RNF169: variants seen among roughly 807,000 people sequenced by gnomAD.
RNF169 encodes the protein ring finger protein 169, also known as E3 ubiquitin-protein ligase RNF169.
Under a neutral mutation model 53.9 loss-of-function variants are expected in RNF169, and 24 were observed. The observed-to-expected ratio is 0.45, with a 90% CI of 0.32 to 0.63. The LOEUF is 0.63. RNF169 is among the 20% of genes least tolerant of loss of function. RNF169 has a pLI of 0.04. For missense variants in RNF169, 883 were observed against 906.2 expected (o/e 0.97, Z 0.33); for synonymous variants, 396 against 363.5 (o/e 1.09, Z -1.02).
intron 1 of RNF169, among the ~76,000 whole-genome samples, chr11:74,760,327 T>C (rs376936535): frequency 6.6e-6 from 1 of 152,144 alleles, no homozygotes; most frequent in East Asian, 1.9e-4. Flanking sequence ...CTGCTCTGAT[T>C]TTAGTTATTT....
At chr11:74,778,870 C>T (rs2035375965) in intron 1 of RNF169, among the ~76,000 whole-genome samples, 1 of 152,196 alleles carries the variant, frequency 6.6e-6, no homozygotes, top group Non-Finnish European at 1.5e-5. Context: ...GATGTGTCCA[C>T]CATATCGGTT....
chr11:74,833,374 A>G (rs191022350), intron 4 of RNF169, among the ~76,000 whole-genome samples: 22 of 152,348 alleles, frequency 1.4e-4, no homozygotes, highest in African/African-American at 4.8e-4. Context: ...AATCATTTGA[A>G]GAAATAATTT....
At chr11:74,804,920 C>G (rs142537350) in intron 2 of RNF169, among the ~76,000 whole-genome samples, 1 of 152,162 alleles carries the variant, frequency 6.6e-6, no homozygotes, top group Non-Finnish European at 1.5e-5. Flanking sequence ...AAATAAGATA[C>G]ACTTTCATGC....
chr11:74,806,838 C>T (rs1170786704), intron 2 of RNF169, among the ~76,000 whole-genome samples: 1 of 151,830 alleles, frequency 6.6e-6, no homozygotes, highest in Admixed American at 6.6e-5. Flanking sequence ...TGGTAATAAA[C>T]TGTTTCTTGA....
intron 5 of RNF169, among the ~76,000 whole-genome samples, chr11:74,835,130 C>T (rs2036234124): frequency 6.6e-6 from 1 of 152,114 alleles, no homozygotes; most frequent in Non-Finnish European, 1.5e-5. Flanking sequence ...ACTACAGGCA[C>T]ATGCCACCAT....
rs1296577515 is a variant in RNF169 at position 74,842,294 on chromosome 11, A to G, written c.*5564A>G. 6.6e-6 allele frequency: 1 copy of G among 152,236 alleles called. No individual in the cohort carries two copies. Among genetic ancestry groups the G allele is most frequent in the Non-Finnish European group, 1.5e-5 (1 of 68,044 alleles). 9.4% of individuals were successfully genotyped at this position (152,236 alleles called of 1,614,324 possible). ...TCTGTCAGCAAGGACATGGCATGGA[A>G]TCAAGTGGGCTGATGTGTTGTTATT... On this transcript the variant is annotated 3_prime_UTR_variant, in exon 6 of 6. Transcript: ENST00000299563.
intron 1 of RNF169, among the ~76,000 whole-genome samples, chr11:74,759,975 C>T (rs987457081): frequency 1.3e-5 from 2 of 151,080 alleles, no homozygotes; most frequent in South Asian, 2.1e-4. Flanking sequence ...TTGATTATTG[C>T]CACAATTTCA....
At position 74,838,943 on chromosome 11, in the gene RNF169, A is replaced by G. The variant is rs950838397; in HGVS notation, c.*2213A>G. ...ATTTTTCCACTTGCCATCTTTCTCT[A>G]TATCTCCAGTAATTTGAAAAACACT... On this transcript the variant is annotated 3_prime_UTR_variant, in exon 6 of 6. Coordinates refer to ENST00000299563, the MANE Select transcript of RNF169 (RefSeq NM_001098638.2). The G allele has an allele frequency of 9.2e-5, 14 of 152,222 alleles. No individual in the cohort carries two copies. Among genetic ancestry groups the G allele is most frequent in the South Asian group, 4.1e-4 (2 of 4,832 alleles). The allele number at this position is 152,222 out of a possible 1,614,324, so 9.4% of individuals were successfully genotyped here.
Position 74,836,111 on chromosome 11 carries a change from A to G in RNF169, c.1508A>G (p.His503Arg), listed in dbSNP as rs760185514. ...YTGPTSADLD[H>R]FPSVSQTKAE... is the part of the protein sequence containing the mutation. The stretch of plus-strand genomic sequence containing the variant: ...GGACCCACCTCTGCTGATCTTGATC[A>G]TTTCCCCTCTGTTAGCCAAACAAAA... The change falls in exon 6 of 6, where the codon CAT becomes CGT. Residue 503 changes from histidine (H) to arginine (R), a missense_variant. Coordinates refer to ENST00000299563, the MANE Select transcript of RNF169 (RefSeq NM_001098638.2). The G allele has an allele frequency of 3.1e-6, 5 of 1,613,996 alleles. No homozygotes were observed. The highest frequency in any genetic ancestry group is 1.7e-5 in the Admixed American group (1 of 60,004).
At position 74,838,248 on chromosome 11, in the gene RNF169, A is replaced by AC. The variant is rs1286960680; in HGVS notation, c.*1521dup. ...CTAGAAGCCAAAGTCCAGAACAGTG[A>AC]CCCATTGATCAAGGCAGATAGTATA... On this transcript the variant is annotated 3_prime_UTR_variant, in exon 6 of 6. Coordinates refer to ENST00000299563, the MANE Select transcript of RNF169 (RefSeq NM_001098638.2). 1 of 152,146 alleles carries AC rather than the reference A, an allele frequency of 6.6e-6. No individual in the cohort carries two copies. The allele number at this position is 152,146 out of a possible 1,614,324, so 9.4% of individuals were successfully genotyped here.
intron 1 of RNF169, among the ~76,000 whole-genome samples, chr11:74,759,008 T>G (rs1390281787): frequency 6.6e-5 from 10 of 151,004 alleles, no homozygotes; most frequent in Non-Finnish European, 1.3e-4. Context: ...GTGGTTCTCC[T>G]TGAAGAGGTC....
intron 3 of RNF169, among the ~76,000 whole-genome samples, chr11:74,816,006 A>T (rs976163411): frequency 6.6e-6 from 1 of 152,218 alleles, no homozygotes; most frequent in Non-Finnish European, 1.5e-5. Context: ...ATTTTGTACA[A>T]CAGAGTTCTC....
At chr11:74,762,218 A>T (rs1435331903) in intron 1 of RNF169, among the ~76,000 whole-genome samples, 2 of 149,354 alleles carry the variant, frequency 1.3e-5, no homozygotes, top group African/African-American at 2.5e-5. Context: ...AATTTTTTTC[A>T]AAGTTTTCAA....
intron 1 of RNF169, among the ~76,000 whole-genome samples, chr11:74,766,875 G>A (rs562094055): frequency 1.3e-5 from 2 of 152,314 alleles, no homozygotes; most frequent in East Asian, 3.9e-4. Context: ...TTCCAGACTT[G>A]TTTTGGGGGC....
Position 74,815,291 on chromosome 11 carries a change from C to T in RNF169, c.724-2305C>T, listed in dbSNP as rs569522861. Among the ~76,000 whole-genome samples the T allele has an allele frequency of 2.0e-5, 3 of 152,236 alleles. No homozygotes were observed. In the East Asian group the frequency reaches 5.8e-4, roughly 29 times the overall value. On this transcript the variant is annotated intron_variant, in intron 3 of 5. Transcript: ENST00000299563. ...GAACTTGGCGCTGGGCGCGGTGGCT[C>T]ACACCTGTAATCCCAGCACTTTGGG...
intron 4 of RNF169, among the ~76,000 whole-genome samples, chr11:74,818,618 T>C (rs2035970563): frequency 6.6e-6 from 1 of 152,154 alleles, no homozygotes; most frequent in Non-Finnish European, 1.5e-5. Flanking sequence ...GGTCTTGAAC[T>C]CCTGGGCTCA....
intron 1 of RNF169, among the ~76,000 whole-genome samples, chr11:74,762,092 G>C (rs540415732): frequency 2.1e-5 from 3 of 144,536 alleles, no homozygotes; most frequent in African/African-American, 7.9e-5. Flanking sequence ...CCAGTTGATC[G>C]CATCGGCTCC....
chr11:74,809,851 C>G (rs569362485), intron 2 of RNF169, among the ~76,000 whole-genome samples: 120 of 152,334 alleles, frequency 7.9e-4, no homozygotes, highest in African/African-American at 2.8e-3. Context: ...GCAGTTACAT[C>G]TGGCTTATGG....
In RNF169 at chr11:74,837,267, T is replaced by C. The variant is rs1295434712; in HGVS notation, c.*537T>C. On this transcript the variant is annotated 3_prime_UTR_variant, in exon 6 of 6. Coordinates refer to ENST00000299563, the MANE Select transcript of RNF169 (RefSeq NM_001098638.2). Reference sequence around the variant, plus strand: ...TTTACAAAAGTTAATTTACATTCTCTGTTTAAAAAATAATATTTGGTGAAT... The same window carrying C: ...TTTACAAAAGTTAATTTACATTCTCCGTTTAAAAAATAATATTTGGTGAAT... 1 of 153,096 alleles carries C rather than the reference T, an allele frequency of 6.5e-6. No homozygotes were observed. Among genetic ancestry groups the C allele is most frequent in the African/African-American group, 2.4e-5 (1 of 41,470 alleles). The allele number at this position is 153,096 out of a possible 1,614,324, so 9.5% of individuals were successfully genotyped here.
Sources: gnomAD v4.1 joint callset for allele counts (sites outside exome capture counted in the v4.1 genomes callset) on GRCh38, gnomAD v4.1.1 for gene constraint, MANE v1.5 for transcripts, NCBI Gene and HGNC (gene_info 2026-07-23, HGNC 2026-07-21) for gene names.